Variants in DIP2C observed in about 807,000 individuals in gnomAD.
DIP2C encodes the protein disco-interacting protein 2 homolog C.
In DIP2C, 33 loss-of-function variants were observed where a neutral mutation model predicts 192.4. That is an observed-to-expected ratio of 0.17 (90% confidence interval 0.13 to 0.23). The LOEUF (loss-of-function observed/expected upper bound fraction) is 0.23. DIP2C is among the 10% of genes least tolerant of loss of function. DIP2C has a pLI of 1.00. For missense variants in DIP2C, 1,537 were observed against 2,110.1 expected, an observed-to-expected ratio of 0.73 and a Z score of 5.32; for synonymous variants, 979 against 864.1, an observed-to-expected ratio of 1.13 and a Z score of -2.33.
intron 1 of DIP2C, among the ~76,000 whole-genome samples, chr10:537,494 G>C (rs950297092): frequency 1.6e-4 from 24 of 152,150 alleles, no homozygotes; most frequent in African/African-American, 5.3e-4. Flanking sequence ...GACAACACAA[G>C]TAACTACGAC....
At chr10:418,320 C>T (rs1009391163) in intron 6 of DIP2C, among the ~76,000 whole-genome samples, 3 of 150,934 alleles carry the variant, frequency 2.0e-5, no homozygotes, top group East Asian at 2.0e-4. Context: ...GCCTCCCTGT[C>T]CACTGTGCCT....
chr10:613,736 T>C (rs1853252660), intron 1 of DIP2C, among the ~76,000 whole-genome samples: 1 of 152,152 alleles, frequency 6.6e-6, no homozygotes, highest in Non-Finnish European at 1.5e-5. Context: ...CTCCACACCC[T>C]GGTAAACATG....
In DIP2C at chr10:414,735, G is replaced by GTA. The variant is rs1377828086; in HGVS notation, c.860-626_860-625insTA. Among the ~76,000 whole-genome samples, 18 of 53,084 alleles carry GTA rather than the reference G, an allele frequency of 3.4e-4. No individual in the cohort carries two copies. The East Asian group carries it at 0.011, about 34-fold the overall frequency. The allele number at this position is 53,084 out of a possible 152,430, so 34.8% of individuals were successfully genotyped here. A position where few individuals can be genotyped will look rare whatever the true frequency, so the allele number is the denominator to read the frequency against. On this transcript the variant is annotated intron_variant, in intron 7 of 36. Transcript: ENST00000280886. ...TGTGTGTGTGTGTGTGTGTGTGTGT[G>GTA]TGTGTACATATATATATATATAATG... is the stretch of plus-strand genomic sequence containing the variant.
chr10:302,200 A>T (rs1681499525), intron 32 of DIP2C, among the ~76,000 whole-genome samples: 1 of 152,174 alleles, frequency 6.6e-6, no homozygotes, highest in South Asian at 2.1e-4. Flanking sequence ...TGAGACTTAC[A>T]GCTGGCCAGC....
chr10:407,305 TCCTC>T (rs1211363071), intron 9 of DIP2C, among the ~76,000 whole-genome samples: 1 of 152,204 alleles, frequency 6.6e-6, no homozygotes, highest in Non-Finnish European at 1.5e-5. Context: ...TGTCAGAACT[TCCTC>T]CCTTCTAATG....
intron 1 of DIP2C, chr10:669,588 CTG>C (rs1377092543): frequency 1.3e-5 from 2 of 152,226 alleles, no homozygotes; most frequent in South Asian, 2.1e-4. Context: ...ACAAGTCACA[CTG>C]TGTCTTTCTT....
intron 17 of DIP2C, among the ~76,000 whole-genome samples, chr10:373,286 C>T (rs897135372): frequency 2.6e-5 from 4 of 152,220 alleles, no homozygotes; most frequent in African/African-American, 7.2e-5. Flanking sequence ...GCAAACATCA[C>T]AGTCAAAAGG....
chr10:678,687 TC>T, intron 1 of DIP2C, among the ~76,000 whole-genome samples: 1 of 11,734 alleles, frequency 8.5e-5, no homozygotes, highest in African/African-American at 1.2e-4. Context: ...ACGCCCATGC[TC>T]CCCACACCCG....
Position 323,404 on chromosome 10 carries a change from C to T in DIP2C, c.3924+3602G>A, listed in dbSNP as rs74748076. Among the ~76,000 whole-genome samples the T allele has an allele frequency of 4.6e-3, 334 of 73,030 alleles. 14 individuals carry two copies. Among genetic ancestry groups the T allele is most frequent in the South Asian group, 8.0e-3 (14 of 1,744 alleles). The allele number at this position is 73,030 out of a possible 152,430, so 47.9% of individuals were successfully genotyped here. The stretch of plus-strand genomic sequence containing the variant: ...GTCAGTCGGGGGTGCGGGGCTCCGG[C>T]GAGAGACCGGCGCTGTTAGAACAGT... On this transcript the variant is annotated intron_variant, in intron 31 of 36. Coordinates refer to ENST00000280886, the MANE Select transcript of DIP2C (RefSeq NM_014974.3).
chr10:494,497 G>A (rs1048847712), intron 1 of DIP2C, among the ~76,000 whole-genome samples: 3 of 152,168 alleles, frequency 2.0e-5, no homozygotes, highest in Non-Finnish European at 2.9e-5. Context: ...TAGTAGCTAC[G>A]GCTTTCTGCT....
intron 1 of DIP2C, among the ~76,000 whole-genome samples, chr10:589,762 G>A (rs1851295071): frequency 6.6e-6 from 1 of 152,206 alleles, no homozygotes; most frequent in South Asian, 2.1e-4. Flanking sequence ...TGTCAGGAGA[G>A]TAGAGGCACT....
At chr10:628,263 A>T (rs1854310906) in intron 1 of DIP2C, among the ~76,000 whole-genome samples, 1 of 152,342 alleles carries the variant, frequency 6.6e-6, no homozygotes, top group Admixed American at 6.5e-5. Context: ...GTGTTCCATA[A>T]ATCAGCCAGA....
At chr10:585,726 G>A (rs17159707) in intron 1 of DIP2C, among the ~76,000 whole-genome samples, 6 of 151,974 alleles carry the variant, frequency 3.9e-5, no homozygotes, top group African/African-American at 1.5e-4. Context: ...AAACGCCGCT[G>A]CAAGGTACAA....
intron 3 of DIP2C, among the ~76,000 whole-genome samples, chr10:462,974 T>G (rs1040318746): frequency 6.6e-6 from 1 of 152,198 alleles, no homozygotes; most frequent in Non-Finnish European, 1.5e-5. Context: ...CATCCCTTCA[T>G]GCTAAAAACT....
At chr10:433,920 G>A (rs962416861) in intron 4 of DIP2C, among the ~76,000 whole-genome samples, 4 of 151,152 alleles carry the variant, frequency 2.6e-5, no homozygotes, top group East Asian at 1.9e-4. Flanking sequence ...TCTTCTTGTG[G>A]TCTTAATTGA....
At chr10:290,328 T>C (rs1230277514) in intron 32 of DIP2C, among the ~76,000 whole-genome samples, 2 of 152,242 alleles carry the variant, frequency 1.3e-5, no homozygotes, top group Non-Finnish European at 2.9e-5. Context: ...CTGGCTGTTT[T>C]AACACAGAAT....
chr10:447,179 A>G (rs1477039294), intron 3 of DIP2C, among the ~76,000 whole-genome samples: 1 of 143,648 alleles, frequency 7.0e-6, no homozygotes, highest in Non-Finnish European at 1.5e-5. Context: ...CCCTGTCGAT[A>G]CTCAGGATCA....
intron 29 of DIP2C, among the ~76,000 whole-genome samples, chr10:334,042 C>T (rs565602117): frequency 5.3e-5 from 8 of 152,220 alleles, no homozygotes; most frequent in South Asian, 2.1e-4. Flanking sequence ...CAGTGGCTCA[C>T]GCCTGTAATC....
intron 1 of DIP2C, among the ~76,000 whole-genome samples, chr10:505,989 G>A (rs1415092699): frequency 6.6e-6 from 1 of 152,220 alleles, no homozygotes; most frequent in African/African-American, 2.4e-5. Context: ...GAGAAATCCA[G>A]GGGATTAGGA....
Sources: gnomAD v4.1 joint callset for allele counts (sites outside exome capture counted in the v4.1 genomes callset) on GRCh38, gnomAD v4.1.1 for gene constraint, MANE v1.5 for transcripts, NCBI Gene and HGNC (gene_info 2026-07-23, HGNC 2026-07-21) for gene names.